PLEKHM3: variants seen among roughly 807,000 people sequenced by gnomAD.
PLEKHM3 encodes pleckstrin homology domain containing M3.
Under a neutral mutation model 81.8 loss-of-function variants are expected in PLEKHM3, and 45 were observed. The ratio of observed to expected loss-of-function variants is 0.55; its 90% CI spans 0.43 to 0.71. PLEKHM3 has a LOEUF of 0.71. Among genes scored for constraint, PLEKHM3 ranks in the 30% least tolerant of loss-of-function variants. The pLI is 0.00. For synonymous variants in PLEKHM3, 352 were observed against 356.4 expected (o/e 0.99, Z 0.14); for missense variants, 788 against 924.3 (o/e 0.85, Z 1.91).
At position 207,823,116 on chromosome 2, in the gene PLEKHM3, TTCAAAGTCTGGAACTTC is replaced by T. The variant is rs2092228646; in HGVS notation, c.*5186_*5202del. 1 of 152,034 alleles carries T rather than the reference TTCAAAGTCTGGAACTTC, an allele frequency of 6.6e-6. No homozygotes were observed. Among genetic ancestry groups the T allele is most frequent in the African/African-American group, 2.4e-5 (1 of 41,362 alleles). The allele number at this position is 152,034 out of a possible 1,614,324, so 9.4% of individuals were successfully genotyped here. ...GCTTCATTCAAAGTCTGGAACTTCA[TTCAAAGTCTGGAACTTC>T]ATTCAAAGTCTTGTCTTTCTAACAA... On this transcript the variant is annotated 3_prime_UTR_variant, in exon 8 of 8. Transcript: ENST00000427836.
chr2:207,905,313 A>T (rs1169148968), intron 6 of PLEKHM3, among the ~76,000 whole-genome samples: 2 of 152,192 alleles, frequency 1.3e-5, no homozygotes, highest in Non-Finnish European at 2.9e-5. Context: ...AGGGAAAATA[A>T]TTTACTCTAA....
chr2:207,861,205 G>A lies in PLEKHM3; in HGVS notation c.2008C>T (p.His670Tyr). The change falls in exon 7 of 8, where the codon CAC (histidine) becomes TAC (tyrosine). Residue 670 changes from histidine to tyrosine, a missense_variant. By Grantham distance (83) the His-to-Tyr change is moderately conservative (BLOSUM62 2). Transcript: ENST00000427836. Reference sequence around the variant, plus strand: ...CTACAAAGACTGCAGCTGTACACGTGTGAGGTGGCAAATTTAATGACCTTG... The same window carrying A: ...CTACAAAGACTGCAGCTGTACACGTATGAGGTGGCAAATTTAATGACCTTG... Reference protein sequence around the residue: ...LGKVIKFATSHVYSCSLCSQK... With the variant: ...LGKVIKFATSYVYSCSLCSQK... 1 of 1,614,138 alleles carries A rather than the reference G, an allele frequency of 6.2e-7. No homozygotes were observed. Among genetic ancestry groups the A allele is most frequent in the Non-Finnish European group, 8.5e-7 (1 of 1,179,992 alleles).
chr2:207,880,223 A>G (rs1008664599), intron 6 of PLEKHM3, among the ~76,000 whole-genome samples: 2 of 152,112 alleles, frequency 1.3e-5, no homozygotes, highest in African/African-American at 2.4e-5. Flanking sequence ...CCTGGCCAAC[A>G]TGGCAAAACC....
chr2:208,001,432 C>T lies in PLEKHM3; in HGVS notation c.208G>A (p.Gly70Ser). Residue 70 changes from glycine to serine, a missense_variant, in exon 2 of 8, where the codon GGC (glycine) becomes AGC (serine). Transcript: ENST00000427836. Reference protein sequence around the residue: ...MRNVTSLGKGGMIWDHCKSRL... With the variant: ...MRNVTSLGKGSMIWDHCKSRL... ...CTCTTACAGTGGTCCCAAATCATGC[C>T]CCCCTTGCCCAGGGAGGTGACATTT... 6.2e-7 allele frequency: 1 copy of T among 1,614,122 alleles called. No homozygotes were observed. Among genetic ancestry groups the T allele is most frequent in the Non-Finnish European group, 8.5e-7 (1 of 1,180,010 alleles).
intron 4 of PLEKHM3, among the ~76,000 whole-genome samples, chr2:207,943,585 T>C (rs1046915002): frequency 2.0e-5 from 3 of 152,160 alleles, no homozygotes; most frequent in East Asian, 1.9e-4. Flanking sequence ...CTGTACCATA[T>C]AGGCCGGGCG....
chr2:207,863,219 T>C (rs756974328), intron 6 of PLEKHM3, among the ~76,000 whole-genome samples: 23 of 152,360 alleles, frequency 1.5e-4, no homozygotes, highest in South Asian at 4.1e-4. Context: ...AAACCAATTA[T>C]GAGTGGAAAA....
At chr2:207,941,872 C>T (rs979437369) in intron 4 of PLEKHM3, among the ~76,000 whole-genome samples, 2 of 152,186 alleles carry the variant, frequency 1.3e-5, no homozygotes, top group African/African-American at 2.4e-5. Context: ...AAATGCTCAA[C>T]ATCACTAATC....
At chr2:207,951,919 A>G (rs1436675392) in intron 3 of PLEKHM3, among the ~76,000 whole-genome samples, 1 of 152,196 alleles carries the variant, frequency 6.6e-6, no homozygotes, top group Non-Finnish European at 1.5e-5. Context: ...ATGGGCTAAG[A>G]GGGAAGAATG....
At position 208,014,106 on chromosome 2, in the gene PLEKHM3, T is replaced by G. The variant is rs559777229; in HGVS notation, c.-319+11283A>C. ...GCTGCATCTATGACCTCTCCCTCCC[T>G]TTTGGACTTAATCTGTGACAACAAC... is the stretch of plus-strand genomic sequence containing the variant. On this transcript the variant is annotated intron_variant, in intron 1 of 7. Coordinates refer to ENST00000427836, the MANE Select transcript of PLEKHM3 (RefSeq NM_001080475.3). 3.3e-5 allele frequency among the ~76,000 whole-genome samples: 5 copies of G among 152,268 alleles called. No homozygotes were observed. The South Asian group carries it at 6.2e-4, about 19-fold the overall frequency.
intron 2 of PLEKHM3, among the ~76,000 whole-genome samples, chr2:207,987,262 C>A (rs1691759344): frequency 1.3e-5 from 2 of 152,114 alleles, no homozygotes; most frequent in Non-Finnish European, 2.9e-5. Context: ...ATTCAAACAC[C>A]TACCAGCCCT....
At chr2:207,924,778 C>T (rs1438121032) in intron 5 of PLEKHM3, among the ~76,000 whole-genome samples, 2 of 152,194 alleles carry the variant, frequency 1.3e-5, no homozygotes, top group Non-Finnish European at 2.9e-5. Flanking sequence ...CATAAAGTTG[C>T]CCCATTGGCT....
At chr2:207,839,467 T>C (rs2092337958) in intron 7 of PLEKHM3, among the ~76,000 whole-genome samples, 1 of 152,198 alleles carries the variant, frequency 6.6e-6, no homozygotes, top group Admixed American at 6.5e-5. Context: ...CCTAAAGTGT[T>C]TTGCCATTAC....
intron 5 of PLEKHM3, among the ~76,000 whole-genome samples, chr2:207,917,500 C>A (rs989404599): frequency 1.3e-5 from 2 of 152,164 alleles, no homozygotes; most frequent in African/African-American, 4.8e-5. Flanking sequence ...TCCTCATATG[C>A]AGTTCAGAGA....
chr2:207,955,716 A>C (rs1010651083), intron 3 of PLEKHM3, among the ~76,000 whole-genome samples: 1 of 152,234 alleles, frequency 6.6e-6, no homozygotes, highest in Non-Finnish European at 1.5e-5. Flanking sequence ...ATTTTCAGGT[A>C]GTTATCTCCT....
intron 1 of PLEKHM3, among the ~76,000 whole-genome samples, chr2:208,015,439 T>C (rs182482533): frequency 2.0e-5 from 3 of 151,020 alleles, no homozygotes; most frequent in African/African-American, 4.9e-5. Flanking sequence ...CTAAATATCA[T>C]ATTTACACCC....
At chr2:207,957,172 C>CA (rs1349918876) in intron 3 of PLEKHM3, among the ~76,000 whole-genome samples, 1 of 151,844 alleles carries the variant, frequency 6.6e-6, no homozygotes, top group Non-Finnish European at 1.5e-5. Context: ...GCATTTAATC[C>CA]AAAAAACATA....
intron 6 of PLEKHM3, among the ~76,000 whole-genome samples, chr2:207,875,534 C>T (rs2092555731): frequency 6.6e-6 from 1 of 152,180 alleles, no homozygotes; most frequent in Non-Finnish European, 1.5e-5. Flanking sequence ...TACCCTTTGA[C>T]CTAGCAGTCT....
At chr2:207,858,641 C>T (rs2092449630) in intron 7 of PLEKHM3, among the ~76,000 whole-genome samples, 1 of 151,980 alleles carries the variant, frequency 6.6e-6, no homozygotes, top group Admixed American at 6.6e-5. Flanking sequence ...CCACCACGTC[C>T]AGCTAATTTT....
intron 2 of PLEKHM3, among the ~76,000 whole-genome samples, chr2:207,980,130 C>G (rs1356570166): frequency 1.3e-5 from 2 of 152,114 alleles, no homozygotes; most frequent in African/African-American, 4.8e-5. Flanking sequence ...TACTGTGACC[C>G]AAAGGCTCAG....
Sources: gnomAD v4.1 joint callset for allele counts (sites outside exome capture counted in the v4.1 genomes callset) on GRCh38, gnomAD v4.1.1 for gene constraint, MANE v1.5 for transcripts, NCBI Gene and HGNC (gene_info 2026-07-23, HGNC 2026-07-21) for gene names.